The following SPAG17 variants were observed in gnomAD, a reference collection of about 807,000 sequenced individuals.
SPAG17 encodes sperm-associated antigen 17.
A neutral mutation model predicts 273.6 loss-of-function variants in SPAG17; 169 were observed. The observed-to-expected ratio is 0.62, with a 90% CI of 0.55 to 0.70. SPAG17 has a LOEUF of 0.70. Ranked by LOEUF, SPAG17 falls within the 30% of genes least tolerant of loss-of-function variation. The pLI is 0.00. For missense variants in SPAG17, 2,557 were observed against 2,627.8 expected (o/e 0.97, Z 0.59); for synonymous variants, 825 against 873.2 (o/e 0.94, Z 0.97).
At chr1:118,007,168 T>G (rs1658985011) in intron 31 of SPAG17, among the ~76,000 whole-genome samples, 1 of 152,216 alleles carries the variant, frequency 6.6e-6, no homozygotes, top group Non-Finnish European at 1.5e-5. Flanking sequence ...ATCAAAAACA[T>G]GAAAATTTAT....
intron 5 of SPAG17, 132 bp from the exon 6 acceptor site, chr1:118,099,932 G>C: frequency 1.4e-6 from 1 of 693,110 alleles, no homozygotes; most frequent in Non-Finnish European, 2.3e-6. Flanking sequence ...GATCCAGTTG[G>C]CTGGAATGCA....
At chr1:118,042,178 C>T in intron 20 of SPAG17, 136 bp from the exon 21 acceptor site, 1 of 1,033,220 alleles carries the variant, frequency 9.7e-7, no homozygotes, top group Non-Finnish European at 1.4e-6. Flanking sequence ...GAACTAGAAG[C>T]CTTGACGTCA....
chr1:118,126,205 T>G (rs975662379), intron 3 of SPAG17, among the ~76,000 whole-genome samples: 1 of 140,704 alleles, frequency 7.1e-6, no homozygotes, highest in East Asian at 2.0e-4. Flanking sequence ...CCTTTATCCT[T>G]TTTTTTTTTT....
At chr1:118,052,421 G>T (rs942806770) in intron 20 of SPAG17, among the ~76,000 whole-genome samples, 1 of 151,646 alleles carries the variant, frequency 6.6e-6, no homozygotes, top group African/African-American at 2.4e-5. Flanking sequence ...GAAGATGTTG[G>T]TCAAGGGATG....
intron 1 of SPAG17, among the ~76,000 whole-genome samples, chr1:118,180,646 TTA>T (rs1660898312): frequency 6.6e-6 from 1 of 152,106 alleles, no homozygotes; most frequent in South Asian, 2.1e-4. Flanking sequence ...AATATCCTAC[TTA>T]TAGTCATTTG....
chr1:118,101,647 C>A, intron 5 of SPAG17, 93 bp downstream of exon 5: 4 of 1,241,376 alleles, frequency 3.2e-6, no homozygotes, highest in Non-Finnish European at 2.3e-6. Context: ...GGAAACTATG[C>A]GCTCTATGTG....
At chr1:117,994,371 G>A (rs376772662) in intron 35 of SPAG17, 35 bp downstream of exon 35, 53 of 1,599,356 alleles carry the variant, frequency 3.3e-5, no homozygotes, top group African/African-American at 2.3e-4. Context: ...GGATGTATAC[G>A]CTAATAAAAT....
In SPAG17 at chr1:118,096,353, CT is replaced by C. The variant is rs5777333; in HGVS notation, c.1011+1316del. Among the ~76,000 whole-genome samples, 1,229 of 146,116 alleles carry C rather than the reference CT, an allele frequency of 8.4e-3. 6 individuals carry two copies. Among genetic ancestry groups the C allele is most frequent in the African/African-American group, 0.019 (744 of 39,882 alleles). On this transcript the variant is annotated intron_variant, in intron 7 of 48. Coordinates refer to ENST00000336338, the MANE Select transcript of SPAG17 (RefSeq NM_206996.4). ...TCTCACTCTTCTTTTAGACAGTCGG[CT>C]TTTTTTTTTTTCTTGTCAGCTACCC...
chr1:118,136,272 A>G (rs1264193236), intron 3 of SPAG17, among the ~76,000 whole-genome samples: 1 of 152,224 alleles, frequency 6.6e-6, no homozygotes, highest in African/African-American at 2.4e-5. Context: ...TGAATATGGA[A>G]GAAGTTTAAT....
chr1:118,121,714 G>A (rs1468746067), intron 3 of SPAG17, among the ~76,000 whole-genome samples: 1 of 152,216 alleles, frequency 6.6e-6, no homozygotes, highest in African/African-American at 2.4e-5. Flanking sequence ...GGGATCACTG[G>A]TGTACATGAG....
intron 4 of SPAG17, among the ~76,000 whole-genome samples, chr1:118,105,816 G>A (rs756413052): frequency 2.9e-4 from 44 of 151,060 alleles, no homozygotes; most frequent in Non-Finnish European, 1.5e-4. Context: ...TAAGAGGCCA[G>A]TAAGAAGAGC....
intron 28 of SPAG17, among the ~76,000 whole-genome samples, chr1:118,020,353 G>A (rs1188220866): frequency 6.6e-6 from 1 of 151,966 alleles, no homozygotes; most frequent in African/African-American, 2.4e-5. Flanking sequence ...AGAATTGCTT[G>A]AATGTGGGAA....
intron 3 of SPAG17, among the ~76,000 whole-genome samples, chr1:118,135,391 G>GTGTGTGTGTGTGTGTA (rs1658289069): frequency 6.6e-6 from 1 of 150,802 alleles, no homozygotes; most frequent in Admixed American, 6.6e-5. Flanking sequence ...GTGTGTGTGT[G>GTGTGTGTGTGTGTGTA]TGTGTGTGTG....
Position 118,152,927 on chromosome 1 carries a change from C to T in SPAG17, c.88-1558G>A, listed in dbSNP as rs566340265. On this transcript the variant is annotated intron_variant, in intron 1 of 48. Coordinates refer to ENST00000336338, the MANE Select transcript of SPAG17 (RefSeq NM_206996.4). Reference sequence around the variant, plus strand: ...CTTTCATTTCACAATAAAGTACACACAGTTACAGTACAGGCAATACCTTGA... The same window carrying T: ...CTTTCATTTCACAATAAAGTACACATAGTTACAGTACAGGCAATACCTTGA... Among the ~76,000 whole-genome samples, 3 of 152,292 alleles carry T rather than the reference C, an allele frequency of 2.0e-5. No homozygotes were observed. In the East Asian group the frequency reaches 5.8e-4, roughly 29 times the overall value.
At chr1:118,097,576 G>T (rs140626322) in intron 7 of SPAG17, 94 bp downstream of exon 7, 7 of 971,666 alleles carry the variant, frequency 7.2e-6, no homozygotes, top group African/African-American at 1.7e-5. Context: ...TGTAATCAGC[G>T]CTCAGTAACT....
chr1:117,963,232 C>T (rs1653341838), intron 48 of SPAG17: 2 of 152,004 alleles, frequency 1.3e-5, no homozygotes, highest in African/African-American at 4.8e-5. Context: ...TTCTAGTGAA[C>T]AGAATACAGT....
chr1:118,097,983 T>C (rs1257460502), intron 6 of SPAG17, 132 bp from the exon 7 acceptor site: 1 of 500,902 alleles, frequency 2.0e-6, no homozygotes, highest in Non-Finnish European at 3.2e-6. Context: ...AGGAATGTAA[T>C]TTTGATAAAT....
In SPAG17 at chr1:117,996,403, C is replaced by G. The variant is rs758009445; in HGVS notation, c.5020G>C (p.Val1674Leu). ...LSLAYKESNT[V>L]VLQEPVQEQP... ...TCCTGCACTGGCTCTTGGAGAACAACAGTATTTGATTCTTTATATGCCAAA... is the reference window on the plus strand; with the variant it reads ...TCCTGCACTGGCTCTTGGAGAACAAGAGTATTTGATTCTTTATATGCCAAA... The change falls in exon 34 of 49, where the codon GTT becomes CTT. Residue 1674 changes from valine (V) to leucine (L), a missense_variant. Transcript: ENST00000336338. 1.4e-5 allele frequency: 23 copies of G among 1,612,710 alleles called. No individual in the cohort carries two copies. The highest frequency in any genetic ancestry group is 2.5e-6 in the Non-Finnish European group (3 of 1,179,294).
At chr1:118,072,479 G>T (rs1382208716) in intron 17 of SPAG17, among the ~76,000 whole-genome samples, 1 of 152,172 alleles carries the variant, frequency 6.6e-6, no homozygotes, top group Non-Finnish European at 1.5e-5. Flanking sequence ...ATATGGGAGA[G>T]ATATCACTAA....
Sources: allele counts gnomAD v4.1 joint callset (sites outside exome capture counted in the v4.1 genomes callset), GRCh38; gene constraint gnomAD v4.1.1; transcripts MANE v1.5; gene names NCBI Gene and HGNC (gene_info 2026-07-23, HGNC 2026-07-21).